Variants in LAMA2 observed in about 807,000 individuals in gnomAD.
LAMA2 encodes laminin subunit alpha-2.
LAMA2 carries 269 observed loss-of-function variants against 364.8 expected under a neutral mutation model. The observed-to-expected ratio is 0.74, with a 90% confidence interval of 0.67 to 0.82. LAMA2 has a LOEUF of 0.82. Among genes scored for constraint, LAMA2 ranks in the 40% least tolerant of loss-of-function variants. LAMA2 has a pLI of 0.00. For missense variants in LAMA2, 3,807 were observed against 3,873.2 expected (o/e 0.98, Z 0.45); for synonymous variants, 1,379 against 1,370.6 (o/e 1.01, Z -0.14).
rs1486576619 is a variant in LAMA2, at chr6:129,065,589, A to T, written c.396+5693A>T. Among the ~76,000 whole-genome samples the T allele has an allele frequency of 3.9e-5, 6 of 152,218 alleles. No individual in the cohort carries two copies. In the East Asian group the frequency reaches 1.2e-3, roughly 29 times the overall value. Reference sequence around the variant, plus strand: ...GATACAAAATCAATATACTAAAATTAGCAACATTTCCATAAACTAACGAGG... The same window carrying T: ...GATACAAAATCAATATACTAAAATTTGCAACATTTCCATAAACTAACGAGG... On this transcript the variant is annotated intron_variant, in intron 3 of 64. Coordinates refer to ENST00000421865, the MANE Select transcript of LAMA2 (RefSeq NM_000426.4).
chr6:129,303,783 C>G (rs937664225), intron 22 of LAMA2, among the ~76,000 whole-genome samples: 4 of 152,090 alleles, frequency 2.6e-5, no homozygotes, highest in South Asian at 2.1e-4. Flanking sequence ...GGGGATTATC[C>G]TTTTAAAATT....
chr6:128,975,510 G>T (rs1450371956), intron 1 of LAMA2, among the ~76,000 whole-genome samples: 1 of 152,158 alleles, frequency 6.6e-6, no homozygotes, highest in Non-Finnish European at 1.5e-5. Flanking sequence ...GGCAAATGAT[G>T]GAGGACAAAG....
In LAMA2 at chr6:129,147,502, T is replaced by TG. The variant is rs1426771196; in HGVS notation, c.909+456dup. On this transcript the variant is annotated intron_variant, in intron 6 of 64. Transcript: ENST00000421865. Reference sequence around the variant, plus strand: ...AAATAGGGCAGGGGCAATAAGGGGGTGGAGGGGGTGGAGTGGGTGAGAGAG... The same window carrying TG: ...AAATAGGGCAGGGGCAATAAGGGGGTGGGAGGGGGTGGAGTGGGTGAGAGAG... Among the ~76,000 whole-genome samples, 3 of 147,954 alleles carry TG rather than the reference T, an allele frequency of 2.0e-5. No individual in the cohort carries two copies. The East Asian group carries it at 6.0e-4, about 30-fold the overall frequency.
At chr6:129,335,846 G>A (rs182144075) in intron 29 of LAMA2, among the ~76,000 whole-genome samples, 6 of 152,216 alleles carry the variant, frequency 3.9e-5, no homozygotes, top group Non-Finnish European at 5.9e-5. Flanking sequence ...CACAAACTGC[G>A]TTCTCCAGAC....
At chr6:128,909,421 G>C (rs374214620) in intron 1 of LAMA2, among the ~76,000 whole-genome samples, 7 of 151,284 alleles carry the variant, frequency 4.6e-5, no homozygotes, top group East Asian at 3.9e-4. Context: ...GATCTTTGTT[G>C]GTTTAAAATC....
chr6:128,910,986 C>T (rs904591168), intron 1 of LAMA2, among the ~76,000 whole-genome samples: 1 of 151,046 alleles, frequency 6.6e-6, no homozygotes, highest in Non-Finnish European at 1.5e-5. Context: ...AGGAGGCAGT[C>T]TGCCCGTTCT....
intron 35 of LAMA2, among the ~76,000 whole-genome samples, chr6:129,386,962 A>C (rs1043953048): frequency 2.0e-5 from 3 of 152,068 alleles, no homozygotes; most frequent in African/African-American, 7.2e-5. Context: ...ATATTTGCTA[A>C]AATGTTTGTT....
At chr6:129,128,475 T>G (rs556865116) in intron 4 of LAMA2, among the ~76,000 whole-genome samples, 8 of 152,318 alleles carry the variant, frequency 5.3e-5, no homozygotes, top group South Asian at 2.1e-4. Flanking sequence ...ATTTTGACTG[T>G]TCTTGGTTTG....
chr6:129,295,283 G>GAAT (rs1773095170), intron 20 of LAMA2, among the ~76,000 whole-genome samples: 8 of 151,624 alleles, frequency 5.3e-5, no homozygotes, highest in Middle Eastern at 3.2e-3. Flanking sequence ...TTTGTAAAGG[G>GAAT]TTTAGAATTG....
chr6:129,017,897 AC>A (rs1244991545), intron 1 of LAMA2, among the ~76,000 whole-genome samples: 2 of 152,102 alleles, frequency 1.3e-5, no homozygotes, highest in East Asian at 1.9e-4. Flanking sequence ...GTAAATAATA[AC>A]AAATGAAGTT....
rs58611312 is a variant in LAMA2 at position 128,995,830 on chromosome 6, A to T, written c.113-54088A>T. ...AAAACAAAATAAGGACATAATTTATAGACTTGACATATACTGATTTTTTGG... is the reference window on the plus strand; with the variant it reads ...AAAACAAAATAAGGACATAATTTATTGACTTGACATATACTGATTTTTTGG... On this transcript the variant is annotated intron_variant, in intron 1 of 64. Transcript: ENST00000421865. 3.8e-3 allele frequency among the ~76,000 whole-genome samples: 573 copies of T among 152,346 alleles called. 2 individuals are homozygous for T. Among genetic ancestry groups the T allele is most frequent in the African/African-American group, 0.011 (457 of 41,576 alleles).
At chr6:129,336,644 T>C (rs548128729) in intron 29 of LAMA2, among the ~76,000 whole-genome samples, 1 of 152,340 alleles carries the variant, frequency 6.6e-6, no homozygotes, top group East Asian at 1.9e-4. Flanking sequence ...AGAGGCCATA[T>C]CCATGTTTCA....
intron 30 of LAMA2, among the ~76,000 whole-genome samples, chr6:129,347,734 T>C (rs1441378972): frequency 6.6e-6 from 1 of 151,880 alleles, no homozygotes; most frequent in Non-Finnish European, 1.5e-5. Context: ...GATTAGGGAG[T>C]TGTGAACAGA....
At chr6:129,084,244 G>T (rs988864189) in intron 3 of LAMA2, among the ~76,000 whole-genome samples, 1 of 152,096 alleles carries the variant, frequency 6.6e-6, no homozygotes, top group African/African-American at 2.4e-5. Flanking sequence ...CTTCTTAATT[G>T]AAGAGTCACC....
Position 129,020,101 on chromosome 6 carries a change from AG to A in LAMA2, c.113-29816del, listed in dbSNP as rs1164557518. On this transcript the variant is annotated intron_variant, in intron 1 of 64. Transcript: ENST00000421865. The stretch of plus-strand genomic sequence containing the variant: ...GACTCCATCTCAAAAAGAAAAAAAA[AG>A]AAAAAAAAAAAAAAAAAGAAGTCTG... 3.5e-4 allele frequency among the ~76,000 whole-genome samples: 31 copies of A among 88,762 alleles called. No homozygotes were observed. In the South Asian group the frequency reaches 8.1e-3, roughly 23 times the overall value. The allele number at this position is 88,762 out of a possible 152,430, so 58.2% of individuals were successfully genotyped here. A position where few individuals can be genotyped will look rare whatever the true frequency, so the allele number is the denominator to read the frequency against.
chr6:129,397,701 G>A (rs1409346437), intron 37 of LAMA2, among the ~76,000 whole-genome samples: 1 of 151,602 alleles, frequency 6.6e-6, no homozygotes, highest in African/African-American at 2.4e-5. Context: ...GGATCATGAG[G>A]TCAGGAGATC....
intron 1 of LAMA2, among the ~76,000 whole-genome samples, chr6:128,931,760 G>A (rs75146049): frequency 0.022 from 3,397 of 152,182 alleles, 129 homozygotes; most frequent in African/African-American, 0.075. Context: ...TAGCTTTCAA[G>A]CATTTCTTTG....
chr6:129,449,799 CTT>C (rs567411928), intron 45 of LAMA2, among the ~76,000 whole-genome samples: 1,244 of 122,978 alleles, frequency 0.01, 1 homozygote, highest in African/African-American at 0.038. Context: ...GTCTGCTACA[CTT>C]TTTTTTTTTT....
intron 12 of LAMA2, among the ~76,000 whole-genome samples, chr6:129,243,241 A>G (rs1160803710): frequency 6.6e-6 from 1 of 152,150 alleles, no homozygotes. Flanking sequence ...TTTGTTACAC[A>G]GCAGACAAAA....
Sources: allele counts gnomAD v4.1 joint callset (sites outside exome capture counted in the v4.1 genomes callset), GRCh38; gene constraint gnomAD v4.1.1; transcripts MANE v1.5; gene names NCBI Gene and HGNC (gene_info 2026-07-23, HGNC 2026-07-21).